The following SCFD2 variants were observed in gnomAD, a reference collection of about 807,000 sequenced individuals.
SCFD2 encodes sec1 family domain containing 2.
A neutral mutation model predicts 58.9 loss-of-function variants in SCFD2; 54 were observed. The observed-to-expected ratio is 0.92, with a 90% CI of 0.74 to 1.15. The LOEUF (loss-of-function observed/expected upper bound fraction) is 1.15, where lower values mean the gene tolerates loss of function less well. SCFD2 is among the 50% of genes most tolerant of loss of function. The probability of loss-of-function intolerance (pLI) is 0.00; values close to 1 mark genes in which losing one functional copy is unlikely to be tolerated. For missense variants in SCFD2, 805 were observed against 836.6 expected, an observed-to-expected ratio of 0.96 and a Z score of 0.47; for synonymous variants, 321 against 335.9, an observed-to-expected ratio of 0.96 and a Z score of 0.49.
At chr4:53,198,908 T>G (rs974077167) in intron 4 of SCFD2, among the ~76,000 whole-genome samples, 1 of 152,096 alleles carries the variant, frequency 6.6e-6, no homozygotes, top group East Asian at 1.9e-4. Context: ...GGGACATAAT[T>G]CTTCATAATT....
intron 5 of SCFD2, among the ~76,000 whole-genome samples, chr4:53,042,009 A>C (rs1373119210): frequency 6.6e-6 from 1 of 152,180 alleles, no homozygotes; most frequent in Non-Finnish European, 1.5e-5. Flanking sequence ...AACATATCTC[A>C]AATATACCTA....
intron 7 of SCFD2, among the ~76,000 whole-genome samples, chr4:52,901,658 G>C (rs931404996): frequency 6.6e-5 from 10 of 152,190 alleles, no homozygotes; most frequent in Non-Finnish European, 1.3e-4. Context: ...TGAGTAAAAT[G>C]AATGATCAAT....
chr4:53,296,827 G>A (rs767069752), intron 3 of SCFD2, among the ~76,000 whole-genome samples: 1 of 152,132 alleles, frequency 6.6e-6, no homozygotes, highest in African/African-American at 2.4e-5. Context: ...CAGAGATTCT[G>A]GTACATTGTG....
At chr4:53,328,443 T>C (rs1350635863) in intron 2 of SCFD2, among the ~76,000 whole-genome samples, 1 of 152,156 alleles carries the variant, frequency 6.6e-6, no homozygotes, top group Non-Finnish European at 1.5e-5. Context: ...ACGATGGTTA[T>C]ATATCAAAAA....
Position 53,319,343 on chromosome 4 carries a change from C to T in SCFD2, c.1008-5580G>A, listed in dbSNP as rs577701343. Among the ~76,000 whole-genome samples, 8 of 152,220 alleles carry T rather than the reference C, an allele frequency of 5.3e-5. No homozygotes were observed. In the South Asian group the frequency reaches 1.7e-3, roughly 32 times the overall value. ...ATGCTAATTTTCCACTTTTATTCAG[C>T]CTTTTTCCTTAAATGTTTCCCTCCA... On this transcript the variant is annotated intron_variant, in intron 2 of 8. Coordinates refer to ENST00000401642, the MANE Select transcript of SCFD2 (RefSeq NM_152540.4).
At chr4:52,977,089 T>C (rs1237007105) in intron 5 of SCFD2, among the ~76,000 whole-genome samples, 1 of 152,150 alleles carries the variant, frequency 6.6e-6, no homozygotes, top group East Asian at 1.9e-4. Flanking sequence ...CCCGTATCAC[T>C]CTAACTTCCT....
At chr4:52,952,552 T>A (rs187155768) in intron 5 of SCFD2, among the ~76,000 whole-genome samples, 1 of 152,158 alleles carries the variant, frequency 6.6e-6, no homozygotes. Flanking sequence ...ATAGTAAACA[T>A]AAGCTTTAAA....
intron 5 of SCFD2, among the ~76,000 whole-genome samples, chr4:52,993,413 TA>T (rs1468598683): frequency 5.2e-5 from 7 of 133,830 alleles, no homozygotes; most frequent in Admixed American, 3.2e-4. Context: ...AATAAAAAAA[TA>T]AAAAAAGTAT....
chr4:53,025,532 A>G (rs1300240022), intron 5 of SCFD2, among the ~76,000 whole-genome samples: 1 of 57,682 alleles, frequency 1.7e-5, no homozygotes, highest in African/African-American at 6.1e-5. Context: ...AGTTTATCAA[A>G]GCACAATTTT....
intron 4 of SCFD2, among the ~76,000 whole-genome samples, chr4:53,271,319 A>G (rs866421695): frequency 2.0e-5 from 3 of 151,954 alleles, no homozygotes; most frequent in South Asian, 2.1e-4. Context: ...ACACACGCAC[A>G]CACACACACA....
intron 4 of SCFD2, among the ~76,000 whole-genome samples, chr4:53,180,567 C>G (rs909304408): frequency 2.6e-5 from 4 of 152,058 alleles, no homozygotes; most frequent in Admixed American, 1.3e-4. Context: ...CTAAAATTGA[C>G]ACCCTAACAT....
intron 5 of SCFD2, among the ~76,000 whole-genome samples, chr4:53,044,469 G>T (rs1722976500): frequency 6.7e-6 from 1 of 149,788 alleles, no homozygotes; most frequent in African/African-American, 2.5e-5. Flanking sequence ...ACTTTTTGGG[G>T]TTCCACATAC....
intron 3 of SCFD2, among the ~76,000 whole-genome samples, chr4:53,294,788 C>A (rs540329525): frequency 1.8e-4 from 27 of 151,198 alleles, no homozygotes; most frequent in Admixed American, 1.7e-3. Flanking sequence ...GCGTTTAAGT[C>A]TTTAATCCAT....
chr4:53,295,014 C>A (rs780521289), intron 3 of SCFD2, among the ~76,000 whole-genome samples: 11 of 152,092 alleles, frequency 7.2e-5, no homozygotes, highest in African/African-American at 2.7e-4. Context: ...GTTTTGGTAC[C>A]AGTACCGTGC....
At chr4:53,051,617 G>T (rs1047967674) in intron 5 of SCFD2, among the ~76,000 whole-genome samples, 52 of 152,112 alleles carry the variant, frequency 3.4e-4, no homozygotes, top group African/African-American at 1.2e-3. Context: ...TTTTTATTAC[G>T]GTGGCTAGAT....
chr4:53,133,024 G>T (rs1327175752), intron 5 of SCFD2, among the ~76,000 whole-genome samples: 2 of 152,098 alleles, frequency 1.3e-5, no homozygotes, highest in Non-Finnish European at 2.9e-5. Flanking sequence ...TTAGCTCCTT[G>T]TCTTTTACAA....
chr4:53,073,491 C>T (rs1244001331), intron 5 of SCFD2, among the ~76,000 whole-genome samples: 1 of 152,140 alleles, frequency 6.6e-6, no homozygotes, highest in Non-Finnish European at 1.5e-5. Context: ...GTAAATACCA[C>T]CTGAATGTGG....
intron 5 of SCFD2, among the ~76,000 whole-genome samples, chr4:53,073,423 A>T (rs1304170125): frequency 1.3e-5 from 2 of 152,130 alleles, no homozygotes; most frequent in Admixed American, 1.3e-4. Flanking sequence ...TAATTTTACA[A>T]GCCCAATACA....
intron 6 of SCFD2, among the ~76,000 whole-genome samples, chr4:52,909,866 A>G (rs913758046): frequency 6.6e-6 from 1 of 152,166 alleles, no homozygotes. Context: ...TAAATGTAAA[A>G]AAAGGGCCAT....
Sources: allele counts gnomAD v4.1 joint callset (sites outside exome capture counted in the v4.1 genomes callset), GRCh38; gene constraint gnomAD v4.1.1; transcripts MANE v1.5; gene names NCBI Gene and HGNC (gene_info 2026-07-23, HGNC 2026-07-21).